The following TAOK1 variants were observed in gnomAD, a reference collection of about 807,000 sequenced individuals.
TAOK1 encodes TAO kinase 1, also known as serine/threonine-protein kinase TAO1.
Under a neutral mutation model 138.3 loss-of-function variants are expected in TAOK1, and 21 were observed. The observed-to-expected ratio is 0.15, with a 90% CI of 0.11 to 0.22. The LOEUF is 0.22. Ranked by LOEUF, TAOK1 falls within the 10% of genes least tolerant of loss-of-function variation. The probability of loss-of-function intolerance (pLI) is 1.00; values close to 1 mark genes in which losing one functional copy is unlikely to be tolerated. For missense variants in TAOK1, 651 were observed against 1,227.7 expected, an observed-to-expected ratio of 0.53 and a Z score of 7.02; for synonymous variants, 361 against 398.4, an observed-to-expected ratio of 0.91 and a Z score of 1.12.
intron 19 of TAOK1, among the ~76,000 whole-genome samples, chr17:29,536,469 G>T (rs749216381): frequency 6.8e-6 from 1 of 147,010 alleles, no homozygotes; most frequent in Non-Finnish European, 1.5e-5. Flanking sequence ...GCATGATGGC[G>T]GGTGCCTATA....
chr17:29,429,837 C>T (rs945134569), intron 1 of TAOK1, among the ~76,000 whole-genome samples: 1 of 152,140 alleles, frequency 6.6e-6, no homozygotes, highest in African/African-American at 2.4e-5. Context: ...TACCTTTTAT[C>T]TCTGAAGTTT....
chr17:29,533,094 G>A (rs1219619673), intron 18 of TAOK1, among the ~76,000 whole-genome samples: 3 of 147,224 alleles, frequency 2.0e-5, no homozygotes, highest in East Asian at 2.0e-4. Flanking sequence ...GGTGGCTGCC[G>A]GGCGGAGGGG....
chr17:29,432,431 A>G (rs1905872292), intron 1 of TAOK1, among the ~76,000 whole-genome samples: 1 of 152,220 alleles, frequency 6.6e-6, no homozygotes, highest in Admixed American at 6.5e-5. Flanking sequence ...CATGGCCATC[A>G]CAAACATGTC....
intron 1 of TAOK1, among the ~76,000 whole-genome samples, chr17:29,423,019 C>T (rs753259688): frequency 2.0e-5 from 3 of 151,880 alleles, no homozygotes; most frequent in Non-Finnish European, 2.9e-5. Context: ...AGCAAGACAC[C>T]GTTTCAACGA....
intron 1 of TAOK1, among the ~76,000 whole-genome samples, chr17:29,401,176 A>G (rs1355956713): frequency 2.0e-5 from 3 of 152,002 alleles, no homozygotes; most frequent in African/African-American, 7.3e-5. Flanking sequence ...TGGCCTCCCA[A>G]AGTGCTGGTA....
In TAOK1 at chr17:29,457,170, G is replaced by C. The variant is rs192017833; in HGVS notation, c.132+5490G>C. ...GCTGCAGTGCGGTGGCATGATCCTGGCTCACTGCAACCTCTGCCTCCTGGG... is the reference window on the plus strand; with the variant it reads ...GCTGCAGTGCGGTGGCATGATCCTGCCTCACTGCAACCTCTGCCTCCTGGG... On this transcript the variant is annotated intron_variant, in intron 2 of 19. Transcript: ENST00000261716. 2.9e-3 allele frequency among the ~76,000 whole-genome samples: 417 copies of C among 141,576 alleles called. 3 individuals carry two copies. Among genetic ancestry groups the C allele is most frequent in the East Asian group, 2.2e-3 (11 of 5,006 alleles). The allele number at this position is 141,576 out of a possible 152,430, so 92.9% of individuals were successfully genotyped here.
chr17:29,424,079 C>T (rs1905554312), intron 1 of TAOK1, among the ~76,000 whole-genome samples: 1 of 145,076 alleles, frequency 6.9e-6, no homozygotes, highest in Non-Finnish European at 1.5e-5. Context: ...AAACTTGTTT[C>T]ATGGCCCAGT....
Position 29,528,080 on chromosome 17 carries a change from C to T in TAOK1, c.2149-2327C>T, listed in dbSNP as rs1598523540. Among the ~76,000 whole-genome samples, 4 of 152,228 alleles carry T rather than the reference C, an allele frequency of 2.6e-5. No homozygotes were observed. In the South Asian group the frequency reaches 8.3e-4, roughly 32 times the overall value. On this transcript the variant is annotated intron_variant, in intron 17 of 19. Transcript: ENST00000261716. Reference sequence around the variant, plus strand: ...TGTGTGTGTTTTTGAGACAGAGTCTCACTCTGTTGCCCAGGCTGGAGTGCA... The same window carrying T: ...TGTGTGTGTTTTTGAGACAGAGTCTTACTCTGTTGCCCAGGCTGGAGTGCA...
intron 13 of TAOK1, among the ~76,000 whole-genome samples, chr17:29,505,833 C>T (rs1445207818): frequency 6.6e-6 from 1 of 152,064 alleles, no homozygotes; most frequent in Non-Finnish European, 1.5e-5. Context: ...TACTCAGGAG[C>T]CTGAGGTGGG....
chr17:29,402,850 A>T (rs1254850537), intron 1 of TAOK1, among the ~76,000 whole-genome samples: 1 of 151,962 alleles, frequency 6.6e-6, no homozygotes, highest in African/African-American at 2.4e-5. Flanking sequence ...CAGCCTGGCC[A>T]ACATGCTGAA....
In TAOK1 at chr17:29,534,208, A is replaced by C; in HGVS notation, c.2452A>C (p.Lys818Gln). ...ELELLNAYQS[K>Q]IKMQAEAQHD... Reference sequence around the variant, plus strand: ...GGAGCTGTTGAATGCGTATCAGAGCAAAATCAAGATGCAAGCTGAGGCACA... The same window carrying C: ...GGAGCTGTTGAATGCGTATCAGAGCCAAATCAAGATGCAAGCTGAGGCACA... Residue 818 changes from lysine (K) to glutamine (Q), a missense_variant, in exon 19 of 20, where the codon AAA becomes CAA. Lys to Gln is a moderately conservative substitution (Grantham distance 53). Around this residue, in one of 8 missense-constraint regions of TAOK1, gnomAD observed 258 missense variants for 548.9 expected, o/e 0.47. Coordinates refer to ENST00000261716, the MANE Select transcript of TAOK1 (RefSeq NM_020791.4). 6.2e-7 allele frequency: 1 copy of C among 1,613,922 alleles called. No individual in the cohort carries two copies. The highest frequency in any genetic ancestry group is 8.5e-7 in the Non-Finnish European group (1 of 1,179,930).
In TAOK1 at chr17:29,546,503, A is replaced by C. The variant is rs2032405499; in HGVS notation, c.*3481A>C. The C allele has an allele frequency of 6.6e-6, 1 of 152,086 alleles. No individual in the cohort carries two copies. The highest frequency in any genetic ancestry group is 1.5e-5 in the Non-Finnish European group (1 of 67,968). 9.4% of individuals were successfully genotyped at this position (152,086 alleles called of 1,614,324 possible). A position where few individuals can be genotyped will look rare whatever the true frequency, so the allele number is the denominator to read the frequency against. On this transcript the variant is annotated 3_prime_UTR_variant, in exon 20 of 20. Transcript: ENST00000261716. ...GGCATTTTAAACTTTTGTAGAATAC[A>C]TTATGTTGGACACTGGAATAATACT...
At chr17:29,405,705 G>A (rs968190227) in intron 1 of TAOK1, among the ~76,000 whole-genome samples, 7 of 152,056 alleles carry the variant, frequency 4.6e-5, no homozygotes, top group African/African-American at 1.7e-4. Flanking sequence ...CTTGAACCTG[G>A]GAGGCGGAGT....
At chr17:29,516,253 G>A (rs9898181) in intron 15 of TAOK1, among the ~76,000 whole-genome samples, 37 of 151,848 alleles carry the variant, frequency 2.4e-4, no homozygotes, top group African/African-American at 6.5e-4. Context: ...GAGCCACCGC[G>A]CCCAGCCAAG....
chr17:29,422,253 G>C (rs1905472567), intron 1 of TAOK1, among the ~76,000 whole-genome samples: 1 of 151,258 alleles, frequency 6.6e-6, no homozygotes. Context: ...GCCCAGGCTG[G>C]AGTGCAGTGG....
At chr17:29,514,641 T>G (rs1170720165) in intron 15 of TAOK1, 3 of 152,114 alleles carry the variant, frequency 2.0e-5, no homozygotes, top group African/African-American at 7.2e-5. Flanking sequence ...GGATTACAGA[T>G]GGATGTGAGC....
intron 7 of TAOK1, among the ~76,000 whole-genome samples, chr17:29,481,955 G>A (rs957643384): frequency 1.3e-5 from 2 of 151,904 alleles, no homozygotes; most frequent in African/African-American, 2.4e-5. Flanking sequence ...GCGAGACTCT[G>A]TCTCAAAAAA....
At chr17:29,506,377 C>T (rs2031630216) in intron 13 of TAOK1, among the ~76,000 whole-genome samples, 1 of 152,168 alleles carries the variant, frequency 6.6e-6, no homozygotes, top group African/African-American at 2.4e-5. Context: ...ACAGATACCA[C>T]ATGATCTCAC....
At chr17:29,457,089 C>CTTTT (rs548221652) in intron 2 of TAOK1, among the ~76,000 whole-genome samples, 48 of 107,414 alleles carry the variant, frequency 4.5e-4, no homozygotes, top group Non-Finnish European at 6.7e-4. Context: ...TTTTCTTTTT[C>CTTTT]TTTTTTTTTT....
Sources: allele counts gnomAD v4.1 joint callset (sites outside exome capture counted in the v4.1 genomes callset), GRCh38; gene constraint gnomAD v4.1.1; regional missense constraint gnomAD v4.1.1; transcripts MANE v1.5; gene names NCBI Gene and HGNC (gene_info 2026-07-23, HGNC 2026-07-21).